Variants in IGFL2 observed in about 807,000 individuals in gnomAD.
IGFL2 encodes the protein IGF like family member 2.
In IGFL2, 7 loss-of-function variants were observed where a neutral mutation model predicts 13.9. That is an observed-to-expected ratio of 0.51 (90% CI 0.29 to 0.95). The LOEUF (loss-of-function observed/expected upper bound fraction) is 0.95. IGFL2 is among the 40% of genes least tolerant of loss of function. The pLI is 0.08. For missense variants in IGFL2, 138 were observed against 147.8 expected (o/e 0.93, Z 0.34); for synonymous variants, 55 against 55.8 (o/e 0.99, Z 0.07).
the IGFL2 span, among the ~76,000 whole-genome samples, chr19:46,210,972 G>A: frequency 1.3e-5 from 2 of 152,224 alleles, no homozygotes; most frequent in South Asian, 2.1e-4. Flanking sequence ...CCTTGCAGGT[G>A]GGGTTCTGGA....
chr19:46,123,949 T>G, the IGFL2 span: 4 of 1,611,400 alleles, frequency 2.5e-6, no homozygotes. Flanking sequence ...AACCCTCAAC[T>G]TCACAAGAAA....
chr19:46,189,567 G>A, the IGFL2 span: 1 of 152,330 alleles, frequency 6.6e-6, no homozygotes, highest in Non-Finnish European at 1.5e-5. Context: ...GACCAAAGTC[G>A]GCTAGGTAAC....
chr19:46,137,318 A>C, the IGFL2 span: 1 of 1,066,916 alleles, frequency 9.4e-7, no homozygotes, highest in East Asian at 2.4e-5. Flanking sequence ...TCGTAGGCTC[A>C]TTTATCTGAG....
chr19:46,213,055 G>A, the IGFL2 span: 1 of 152,362 alleles, frequency 6.6e-6, no homozygotes, highest in Admixed American at 6.5e-5. Context: ...CTTGGGTTGT[G>A]AAGTTAGGAC....
chr19:46,212,713 T>TTCTCTCTCTCTC, the IGFL2 span: 12 of 148,724 alleles, frequency 8.1e-5, no homozygotes, highest in African/African-American at 3.0e-4. Context: ...TTCTCCTACC[T>TTCTCTCTCTCTC]TCTCTCTCTC....
At chr19:46,181,988 T>C in the IGFL2 span, among the ~76,000 whole-genome samples, 391 of 152,296 alleles carry the variant, frequency 2.6e-3, 1 homozygote, top group South Asian at 3.9e-3. Context: ...ATAATACATG[T>C]TCACTGGCAA....
At chr19:46,168,264 T>C in the IGFL2 span, among the ~76,000 whole-genome samples, 1 of 152,210 alleles carries the variant, frequency 6.6e-6, no homozygotes, top group Non-Finnish European at 1.5e-5. Flanking sequence ...TTGAAAAACA[T>C]TATCGTTGGT....
the IGFL2 span, among the ~76,000 whole-genome samples, chr19:46,095,523 T>A: frequency 6.6e-6 from 1 of 152,350 alleles, no homozygotes; most frequent in East Asian, 1.9e-4. Context: ...AGAAACTCTT[T>A]AGTTTAATTA....
chr19:46,177,328 G>A, the IGFL2 span, among the ~76,000 whole-genome samples: 5 of 152,286 alleles, frequency 3.3e-5, no homozygotes, highest in African/African-American at 1.2e-4. Context: ...GGGAGGCAGA[G>A]GTTGTAGTGA....
the IGFL2 span, among the ~76,000 whole-genome samples, chr19:46,171,886 C>T: frequency 4.6e-5 from 7 of 151,820 alleles, no homozygotes; most frequent in South Asian, 4.2e-4. Flanking sequence ...AAGTGGGTGC[C>T]GTACAGGTAA....
the IGFL2 span, among the ~76,000 whole-genome samples, chr19:46,178,032 A>C: frequency 6.6e-6 from 1 of 152,062 alleles, no homozygotes; most frequent in African/African-American, 2.4e-5. Flanking sequence ...TAATCCCAGC[A>C]CTTTGAGAGG....
the IGFL2 span, chr19:46,101,043 G>A: frequency 6.6e-6 from 1 of 152,320 alleles, no homozygotes; most frequent in Non-Finnish European, 1.5e-5. Flanking sequence ...TTCTGCAGCT[G>A]GAGATGTCAC....
At chr19:46,167,974 T>G in the IGFL2 span, among the ~76,000 whole-genome samples, 1 of 152,256 alleles carries the variant, frequency 6.6e-6, no homozygotes, top group Non-Finnish European at 1.5e-5. Context: ...GTCTGTGGTA[T>G]TTTGTTATGG....
the IGFL2 span, among the ~76,000 whole-genome samples, chr19:46,098,478 C>CTTTTTT: frequency 6.2e-5 from 8 of 128,386 alleles, no homozygotes; most frequent in Non-Finnish European, 1.2e-4. Flanking sequence ...CAATCTGTGT[C>CTTTTTT]TTTTTTTTTT....
At chr19:46,078,821 G>T in the IGFL2 span, among the ~76,000 whole-genome samples, 2 of 151,622 alleles carry the variant, frequency 1.3e-5, no homozygotes, top group Admixed American at 6.6e-5. Context: ...GGCGTCGTCA[G>T]TAGACATCGC....
At chr19:46,151,634 G>A (rs1973497714) in intron 1 of IGFL2, among the ~76,000 whole-genome samples, 1 of 152,136 alleles carries the variant, frequency 6.6e-6, no homozygotes, top group South Asian at 2.1e-4. Context: ...AGAAGGCTGG[G>A]TCCTGTGGCT....
the IGFL2 span, among the ~76,000 whole-genome samples, chr19:46,109,298 A>G: frequency 6.6e-6 from 1 of 151,456 alleles, no homozygotes; most frequent in South Asian, 2.1e-4. Flanking sequence ...ATTCTCAAGG[A>G]TGGGGAGAAT....
At chr19:46,165,803 C>T (rs545327042), downstream of IGFL2, among the ~76,000 whole-genome samples, 3 of 152,300 alleles carry the variant, frequency 2.0e-5, no homozygotes, top group Admixed American at 6.5e-5. Flanking sequence ...AGCTGTGAGC[C>T]GCCTGGGTTG....
At chr19:46,104,703 A>G in the IGFL2 span, among the ~76,000 whole-genome samples, 4 of 152,248 alleles carry the variant, frequency 2.6e-5, no homozygotes, top group East Asian at 7.7e-4. Flanking sequence ...GCGGGCCTGA[A>G]CAATCCCTGA....
Sources: gnomAD v4.1 joint callset for allele counts (sites outside exome capture counted in the v4.1 genomes callset) on GRCh38, gnomAD v4.1.1 for gene constraint, MANE v1.5 for transcripts, NCBI Gene and HGNC (gene_info 2026-07-23, HGNC 2026-07-21) for gene names.